The following LAMA1 variants were observed in gnomAD, a reference collection of about 807,000 sequenced individuals.
LAMA1 encodes laminin subunit alpha-1.
Under a neutral mutation model 348.7 loss-of-function variants are expected in LAMA1, and 219 were observed. That is an observed-to-expected ratio of 0.63 (90% CI 0.56 to 0.70). The LOEUF is 0.70. Ranked by LOEUF, LAMA1 falls within the 30% of genes least tolerant of loss-of-function variation. The pLI is 0.00. For synonymous variants in LAMA1, 1,487 were observed against 1,491.0 expected (o/e 1.00, Z 0.06); for missense variants, 3,744 against 3,888.0 (o/e 0.96, Z 0.99).
rs1028398538 is a variant in LAMA1 at position 7,065,258 on chromosome 18, G to A, written c.346-14322C>T. 2.8e-3 allele frequency among the ~76,000 whole-genome samples: 391 copies of A among 140,260 alleles called. 3 individuals are homozygous for A. The highest frequency in any genetic ancestry group is 1.0e-2 in the African/African-American group (364 of 36,556). The allele number at this position is 140,260 out of a possible 152,430, so 92.0% of individuals were successfully genotyped here. ...AAAAAAAAAAAAAAAAAAAAACAAC[G>A]ACTAGCCAAAATTTGATCCAAAAAC... On this transcript the variant is annotated intron_variant, in intron 3 of 62. Transcript: ENST00000389658.
intron 1 of LAMA1, among the ~76,000 whole-genome samples, chr18:7,106,190 G>GC (rs1322665848): frequency 6.6e-6 from 1 of 152,190 alleles, no homozygotes; most frequent in African/African-American, 2.4e-5. Flanking sequence ...TCTGTGGGCT[G>GC]CGGTGGGCAG....
intron 3 of LAMA1, among the ~76,000 whole-genome samples, chr18:7,069,102 C>A (rs759666593): frequency 4.6e-5 from 7 of 152,190 alleles, no homozygotes; most frequent in Non-Finnish European, 1.0e-4. Flanking sequence ...GCAGCCAAAC[C>A]TTGGCAGCTC....
rs143053720 is a variant in LAMA1 at position 7,010,156 on chromosome 18, G to A, written c.3873+44C>T. 3.1e-4 allele frequency: 494 copies of A among 1,603,350 alleles called. 2 individuals carry two copies. The African/African-American group carries it at 5.3e-3, about 17-fold the overall frequency. ...CATCTTTCACTACATCCATAGCAAA[G>A]TCAATGTCTTTAAGGAACTTCTATG... On this transcript the variant is annotated intron_variant, in intron 26 of 62. Transcript: ENST00000389658.
intron 36 of LAMA1, among the ~76,000 whole-genome samples, chr18:6,990,461 G>A (rs2057753730): frequency 6.6e-6 from 1 of 152,188 alleles, no homozygotes; most frequent in Non-Finnish European, 1.5e-5. Flanking sequence ...AGGAAGGTTA[G>A]GGAGCAGAGC....
intron 36 of LAMA1, among the ~76,000 whole-genome samples, chr18:6,987,362 A>G (rs1012211734): frequency 1.3e-5 from 2 of 152,248 alleles, no homozygotes; most frequent in Non-Finnish European, 2.9e-5. Context: ...CAATTTATAT[A>G]TACGATAAAA....
chr18:6,947,393 G>T, intron 60 of LAMA1, 97 bp from the exon 61 acceptor site: 1 of 1,466,112 alleles, frequency 6.8e-7, no homozygotes. Context: ...CCTGGCTCTA[G>T]CTCCTCCTTT....
At chr18:7,029,704 A>C (rs1434663657) in intron 16 of LAMA1, among the ~76,000 whole-genome samples, 7 of 152,298 alleles carry the variant, frequency 4.6e-5, no homozygotes, top group African/African-American at 1.7e-4. Context: ...AAAGAAAGAC[A>C]TGAGGGCCCA....
At chr18:7,067,876 G>A (rs1482695572) in intron 3 of LAMA1, among the ~76,000 whole-genome samples, 4 of 149,452 alleles carry the variant, frequency 2.7e-5, no homozygotes, top group Admixed American at 1.3e-4. Flanking sequence ...TTTTTGAGAC[G>A]GCGTTTTGCT....
intron 1 of LAMA1, among the ~76,000 whole-genome samples, chr18:7,085,630 G>A (rs1369740343): frequency 6.6e-6 from 1 of 151,994 alleles, no homozygotes; most frequent in Non-Finnish European, 1.5e-5. Context: ...ACGTTAGCCA[G>A]GATGGTCTCG....
intron 1 of LAMA1, among the ~76,000 whole-genome samples, chr18:7,093,381 A>C (rs1346754890): frequency 6.6e-6 from 1 of 152,052 alleles, no homozygotes; most frequent in Non-Finnish European, 1.5e-5. Flanking sequence ...GCGCCACTGC[A>C]CTCCAGCCTG....
At position 6,985,595 on chromosome 18, in the gene LAMA1, T is replaced by G; in HGVS notation, c.5428A>C (p.Ile1810Leu). The G allele has an allele frequency of 6.2e-7, 1 of 1,614,162 alleles. No homozygotes were observed. The highest frequency in any genetic ancestry group is 8.5e-7 in the Non-Finnish European group (1 of 1,180,016). ...QEEQNLTSELIVQGRGLIDAA... is the reference protein window; with the variant it reads ...QEEQNLTSELLVQGRGLIDAA... ...TCTATCAATCCTCTTCCTTGGACAA[T>G]GAGCTCTGAGGTCAGATTTTGTTCT... The change falls in exon 38 of 63, where the codon ATT becomes CTT. Residue 1810 changes from isoleucine (I) to leucine (L), a missense_variant. By Grantham distance (5) the Ile-to-Leu change is conservative (BLOSUM62 2). Transcript: ENST00000389658.
In LAMA1 at chr18:7,083,168, C is replaced by T. The variant is rs117493944; in HGVS notation, c.62-2711G>A. Among the ~76,000 whole-genome samples the T allele has an allele frequency of 0.027, 4,002 of 150,614 alleles. 236 individuals are homozygous for T. In the East Asian group the frequency reaches 0.28, roughly 11 times the overall value. On this transcript the variant is annotated intron_variant, in intron 1 of 62. Transcript: ENST00000389658. ...TGCACTAGACAGGTTTCTTACCTGG[C>T]TGTTCTAAATATATATATATATACA... is the stretch of plus-strand genomic sequence containing the variant.
At chr18:6,997,526 C>CTG (rs1470483266) in intron 33 of LAMA1, among the ~76,000 whole-genome samples, 3 of 152,118 alleles carry the variant, frequency 2.0e-5, no homozygotes, top group Admixed American at 1.3e-4. Flanking sequence ...ATGATGAGAG[C>CTG]TGTCCCACCG....
intron 61 of LAMA1, among the ~76,000 whole-genome samples, chr18:6,946,639 G>A (rs1253776773): frequency 1.3e-5 from 2 of 151,922 alleles, no homozygotes; most frequent in East Asian, 3.9e-4. Flanking sequence ...GAATCACTTG[G>A]ACCTGGGAGG....
intron 25 of LAMA1, among the ~76,000 whole-genome samples, chr18:7,010,750 G>A (rs568040262): frequency 2.0e-5 from 3 of 152,236 alleles, no homozygotes; most frequent in South Asian, 2.1e-4. Context: ...AGACTCCAAT[G>A]TTTATATAAA....
chr18:6,958,809 A>G, intron 54 of LAMA1, 147 bp from the exon 55 acceptor site: 1 of 675,988 alleles, frequency 1.5e-6, no homozygotes, highest in Non-Finnish European at 2.5e-6. Flanking sequence ...TGTGACCAAA[A>G]AGGTGAATCT....
In LAMA1 at chr18:7,016,601, G is replaced by A. The variant is rs745925162; in HGVS notation, c.2879C>T (p.Ser960Leu). 49 of 1,614,154 alleles carry A rather than the reference G, an allele frequency of 3.0e-5. 1 individual carries two copies. In the South Asian group the frequency reaches 5.4e-4, roughly 18 times the overall value. Reference sequence around the variant, plus strand: ...CTGGCCTTCATCCGTGCAGCCATCTGACACGGAGCCTGCCACGCTGCAGTT... The same window carrying A: ...CTGGCCTTCATCCGTGCAGCCATCTAACACGGAGCCTGCCACGCTGCAGTT... ...PCNCSVAGSV[S>L]DGCTDEGQCH... The change falls in exon 21 of 63, where the codon TCA becomes TTA. Residue 960 changes from serine to leucine, a missense_variant. This residue lies in a region of LAMA1 where 1,529 missense variants were observed against 1,689.4 expected (regional missense o/e 0.91). Transcript: ENST00000389658.
chr18:6,949,312 AAC>A, intron 58 of LAMA1, 53 bp from the exon 59 acceptor site: 1 of 1,544,848 alleles, frequency 6.5e-7, no homozygotes, highest in Non-Finnish European at 8.9e-7. Context: ...AAAAACTTTT[AAC>A]AGATGTATAA....
At chr18:7,113,842 C>T (rs1047563347) in intron 1 of LAMA1, among the ~76,000 whole-genome samples, 3 of 152,020 alleles carry the variant, frequency 2.0e-5, no homozygotes, top group Non-Finnish European at 4.4e-5. Flanking sequence ...TTTGGGAGGC[C>T]GAGGTGGGTG....
Sources: allele counts gnomAD v4.1 joint callset (sites outside exome capture counted in the v4.1 genomes callset), GRCh38; gene constraint gnomAD v4.1.1; regional missense constraint gnomAD v4.1.1; transcripts MANE v1.5; gene names NCBI Gene and HGNC (gene_info 2026-07-23, HGNC 2026-07-21).